Variants in ICA1L observed in about 807,000 individuals in gnomAD.
ICA1L encodes islet cell autoantigen 1-like protein.
Under a neutral mutation model 61.3 loss-of-function variants are expected in ICA1L, and 50 were observed. The ratio of observed to expected loss-of-function variants is 0.82; its 90% CI spans 0.65 to 1.03. ICA1L has a LOEUF of 1.03. Ranked by LOEUF, ICA1L falls within the 50% of genes least tolerant of loss-of-function variation. The pLI is 0.00. For synonymous variants in ICA1L, 161 were observed against 191.3 expected, an observed-to-expected ratio of 0.84 and a Z score of 1.31; for missense variants, 508 against 556.7, an observed-to-expected ratio of 0.91 and a Z score of 0.88.
chr2:202,811,201 C>T (rs1431819206), intron 9 of ICA1L, among the ~76,000 whole-genome samples: 1 of 152,128 alleles, frequency 6.6e-6, no homozygotes, highest in East Asian at 1.9e-4. Context: ...ATGTTTCCCC[C>T]AGAAGCCCAG....
intron 1 of ICA1L, among the ~76,000 whole-genome samples, chr2:202,856,758 A>C (rs1031417899): frequency 2.6e-5 from 4 of 152,232 alleles, no homozygotes; most frequent in African/African-American, 9.6e-5. Context: ...AAAACTCCTT[A>C]AGCTGATAAG....
chr2:202,799,897 T>A (rs1000489287), intron 9 of ICA1L, among the ~76,000 whole-genome samples: 19 of 150,460 alleles, frequency 1.3e-4, no homozygotes, highest in Non-Finnish European at 1.3e-4. Context: ...TTTTTTTTTT[T>A]AGATGGAGTG....
At chr2:202,840,318 C>T in intron 1 of ICA1L, 1 of 467,280 alleles carries the variant, frequency 2.1e-6, no homozygotes, top group South Asian at 1.7e-5. Flanking sequence ...CTGGGAGGAG[C>T]TGCTGCAGCT....
chr2:202,787,535 C>A lies in ICA1L; in HGVS notation c.1243+1295G>T, dbSNP rs939296599. 2.0e-5 allele frequency among the ~76,000 whole-genome samples: 3 copies of A among 152,182 alleles called. No homozygotes were observed. The East Asian group carries it at 5.8e-4, about 29-fold the overall frequency. On this transcript the variant is annotated intron_variant, in intron 11 of 12. Transcript: ENST00000358299. Reference sequence around the variant, plus strand: ...TATCAAATAATATTGTCTATTCTTTCTTTTATTCTATTCAATCAATTCTTA... The same window carrying A: ...TATCAAATAATATTGTCTATTCTTTATTTTATTCTATTCAATCAATTCTTA...
chr2:202,862,255 G>A (rs1431227361), intron 1 of ICA1L, among the ~76,000 whole-genome samples: 1 of 97,476 alleles, frequency 1.0e-5, no homozygotes, highest in Non-Finnish European at 1.8e-5. Context: ...GAGCAACACA[G>A]TAAGACCTCA....
chr2:202,789,511 ATTC>A (rs922076448), intron 10 of ICA1L, among the ~76,000 whole-genome samples: 1 of 152,212 alleles, frequency 6.6e-6, no homozygotes, highest in Non-Finnish European at 1.5e-5. Context: ...TAATAGAAAC[ATTC>A]TTCTTAACCA....
Position 202,815,230 on chromosome 2 carries a change from G to A in ICA1L, c.784-446C>T, listed in dbSNP as rs139456467. ...CAAAACAAAAAACAACCTAATTCAA[G>A]GGTATCTTTGGTGCTGGAAGATGCC... is the stretch of plus-strand genomic sequence containing the variant. On this transcript the variant is annotated intron_variant, in intron 7 of 12. Transcript: ENST00000358299. Among the ~76,000 whole-genome samples, 480 of 152,284 alleles carry A rather than the reference G, an allele frequency of 3.2e-3. 3 individuals are homozygous for A. The highest frequency in any genetic ancestry group is 3.7e-3 in the Non-Finnish European group (253 of 68,020).
chr2:202,838,073 C>T (rs1161489121), intron 1 of ICA1L, among the ~76,000 whole-genome samples: 7 of 152,014 alleles, frequency 4.6e-5, no homozygotes, highest in Middle Eastern at 3.2e-3. Context: ...AGGCTGATCT[C>T]GATCTCCTGA....
intron 1 of ICA1L, chr2:202,841,198 G>A (rs1694319318): frequency 5.8e-6 from 4 of 691,036 alleles, no homozygotes; most frequent in Admixed American, 1.8e-5. Context: ...TGCCTGATGA[G>A]GACAAATTCA....
rs577178665 is a variant in ICA1L, at chr2:202,779,667, A to G, written c.1334-19T>C. ...TTGGGGGCTATTAAAAAAGAAAAAAAATACATTAAAGAGATTCAGTTTTGA... is the reference window on the plus strand; with the variant it reads ...TTGGGGGCTATTAAAAAAGAAAAAAGATACATTAAAGAGATTCAGTTTTGA... On this transcript the variant is annotated intron_variant, in intron 12 of 12. Transcript: ENST00000358299. 2 of 1,380,558 alleles carry G rather than the reference A, an allele frequency of 1.4e-6. No homozygotes were observed. The highest frequency in any genetic ancestry group is 1.2e-5 in the South Asian group (1 of 82,776). The allele number at this position is 1,380,558 out of a possible 1,614,324, so 85.5% of individuals were successfully genotyped here. A position where few individuals can be genotyped will look rare whatever the true frequency, so the allele number is the denominator to read the frequency against.
rs544537919 is a variant in ICA1L at position 202,784,517 on chromosome 2, T to C, written c.1333+1401A>G. 2.6e-5 allele frequency among the ~76,000 whole-genome samples: 4 copies of C among 152,336 alleles called. No individual in the cohort carries two copies. In the South Asian group the frequency reaches 8.3e-4, roughly 32 times the overall value. On this transcript the variant is annotated intron_variant, in intron 12 of 12. Coordinates refer to ENST00000358299, the MANE Select transcript of ICA1L (RefSeq NM_001288622.3). Reference sequence around the variant, plus strand: ...TTGAGGATAAGAGAGGTCTCTTGTTTACAGCAGAGTATTGACCAGTGAAGG... The same window carrying C: ...TTGAGGATAAGAGAGGTCTCTTGTTCACAGCAGAGTATTGACCAGTGAAGG...
intron 12 of ICA1L, among the ~76,000 whole-genome samples, chr2:202,784,120 G>A (rs903109673): frequency 6.6e-6 from 1 of 152,180 alleles, no homozygotes; most frequent in African/African-American, 2.4e-5. Context: ...GTGAGCACCA[G>A]AATCAATAAT....
intron 10 of ICA1L, among the ~76,000 whole-genome samples, chr2:202,796,077 G>GAA (rs35547863): frequency 6.8e-6 from 1 of 147,112 alleles, no homozygotes; most frequent in African/African-American, 2.5e-5. Context: ...GCCTTTGGGG[G>GAA]AAAAAAAAAA....
Position 202,773,873 on chromosome 2 carries a change from G to T in ICA1L, c.*5660C>A. 1 of 1,298,342 alleles carries T rather than the reference G, an allele frequency of 7.7e-7. No individual in the cohort carries two copies. Among genetic ancestry groups the T allele is most frequent in the Non-Finnish European group, 1.1e-6 (1 of 896,340 alleles). The allele number at this position is 1,298,342 out of a possible 1,614,324, so 80.4% of individuals were successfully genotyped here. A position where few individuals can be genotyped will look rare whatever the true frequency, so the allele number is the denominator to read the frequency against. On this transcript the variant is annotated 3_prime_UTR_variant, in exon 13 of 13. Transcript: ENST00000358299. ...AGTTTTCTTCTACAGAGGCTGAGTGGAACAGTCCTGCTAAATAAACCAGTG... is the reference window on the plus strand; with the variant it reads ...AGTTTTCTTCTACAGAGGCTGAGTGTAACAGTCCTGCTAAATAAACCAGTG...
At chr2:202,859,206 C>T (rs1201325010) in intron 1 of ICA1L, among the ~76,000 whole-genome samples, 1 of 152,078 alleles carries the variant, frequency 6.6e-6, no homozygotes. Flanking sequence ...TCAAACTGCC[C>T]TAAAGAATAC....
At chr2:202,865,147 G>A (rs1284886979) in intron 1 of ICA1L, among the ~76,000 whole-genome samples, 2 of 149,270 alleles carry the variant, frequency 1.3e-5, no homozygotes, top group Admixed American at 6.7e-5. Flanking sequence ...TGGGCGACAG[G>A]GTGAGACTCT....
rs535945526 is a variant in ICA1L at position 202,856,309 on chromosome 2, G to A, written c.-8+15310C>T. On this transcript the variant is annotated intron_variant, in intron 1 of 12. Transcript: ENST00000358299. ...ATCAAGTCTGCTTCATCCCTGGGATGAAAGGCTGGTTCACCATATGCAAAT... is the reference window on the plus strand; with the variant it reads ...ATCAAGTCTGCTTCATCCCTGGGATAAAAGGCTGGTTCACCATATGCAAAT... 3.3e-5 allele frequency among the ~76,000 whole-genome samples: 5 copies of A among 152,280 alleles called. No individual in the cohort carries two copies. In the South Asian group the frequency reaches 1.0e-3, roughly 32 times the overall value.
At chr2:202,817,115 C>T (rs1044520582) in intron 6 of ICA1L, among the ~76,000 whole-genome samples, 2 of 152,192 alleles carry the variant, frequency 1.3e-5, no homozygotes, top group East Asian at 3.8e-4. Flanking sequence ...AGAAGTGGAA[C>T]AGCTCTGGTT....
At chr2:202,870,641 T>C (rs1163802572) in intron 1 of ICA1L, 1 of 152,210 alleles carries the variant, frequency 6.6e-6, no homozygotes, top group African/African-American at 2.4e-5. Flanking sequence ...AGTAATATCG[T>C]CTTACAGTAC....
Sources: gnomAD v4.1 joint callset for allele counts (sites outside exome capture counted in the v4.1 genomes callset) on GRCh38, gnomAD v4.1.1 for gene constraint, MANE v1.5 for transcripts, NCBI Gene and HGNC (gene_info 2026-07-23, HGNC 2026-07-21) for gene names.